The following NDUFV3 variants were observed in gnomAD, a reference collection of about 807,000 sequenced individuals.
NDUFV3 encodes the protein NADH dehydrogenase [ubiquinone] flavoprotein 3, mitochondrial.
A neutral mutation model predicts 37.5 loss-of-function variants in NDUFV3; 44 were observed. That is an observed-to-expected ratio of 1.17 (90% CI 0.92 to 1.51). The LOEUF (loss-of-function observed/expected upper bound fraction) is 1.51, where lower values mean the gene tolerates loss of function less well. Among genes scored for constraint, NDUFV3 ranks in the 40% most tolerant of loss-of-function variants. NDUFV3 has a pLI of 0.00. For synonymous variants in NDUFV3, 235 were observed against 239.3 expected (o/e 0.98, Z 0.17); for missense variants, 580 against 580.4 (o/e 1.00, Z 0.01).
intron 3 of NDUFV3, among the ~76,000 whole-genome samples, chr21:42,905,895 ACT>A (rs2058739458): frequency 2.3e-5 from 3 of 132,950 alleles, no homozygotes; most frequent in Non-Finnish European, 3.2e-5. Context: ...ATGGAATCTC[ACT>A]CTGTCACCCA....
At position 42,896,954 on chromosome 21, in the gene NDUFV3, C is replaced by G. The variant is rs756150746; in HGVS notation, c.76C>G (p.Arg26Gly). 59 of 1,613,708 alleles carry G rather than the reference C, an allele frequency of 3.7e-5. No individual in the cohort carries two copies. The highest frequency in any genetic ancestry group is 4.7e-5 in the Non-Finnish European group (56 of 1,179,826). ...TATGCTCCAGGAAGCCCAGGTGTTTCGAGGACTTGCTTCTACGGTTTCTTT... is the reference window on the plus strand; with the variant it reads ...TATGCTCCAGGAAGCCCAGGTGTTTGGAGGACTTGCTTCTACGGTTTCTTT... ...KTMLQEAQVFRGLASTVSLSA... is the reference protein window; with the variant it reads ...KTMLQEAQVFGGLASTVSLSA... The change falls in exon 2 of 4, where the codon CGA becomes GGA. Residue 26 changes from arginine (R) to glycine (G), a missense_variant. Physicochemically the swap from Arg to Gly is moderately radical, Grantham distance 125. Coordinates refer to ENST00000354250, the MANE Select transcript of NDUFV3 (RefSeq NM_021075.4).
chr21:42,901,388 G>A (rs2058717180), intron 2 of NDUFV3, among the ~76,000 whole-genome samples: 1 of 151,972 alleles, frequency 6.6e-6, no homozygotes, highest in African/African-American at 2.4e-5. Context: ...GTTGCAGTGA[G>A]CCAAGATCAC....
chr21:42,911,156 T>A lies in NDUFV3; in HGVS notation c.*2135T>A, dbSNP rs561965624. On this transcript the variant is annotated 3_prime_UTR_variant, in exon 4 of 4. Transcript: ENST00000354250. Reference sequence around the variant, plus strand: ...TATTCAAGAGGCTGAGGCAGGAGAATCGCTTGAACCCGGGAGGCGGGGTTT... The same window carrying A: ...TATTCAAGAGGCTGAGGCAGGAGAAACGCTTGAACCCGGGAGGCGGGGTTT... 6.6e-6 allele frequency: 1 copy of A among 152,286 alleles called. No homozygotes were observed. The highest frequency in any genetic ancestry group is 1.9e-4 in the East Asian group (1 of 5,184). The allele number at this position is 152,286 out of a possible 1,614,324, so 9.4% of individuals were successfully genotyped here. A position where few individuals can be genotyped will look rare whatever the true frequency, so the allele number is the denominator to read the frequency against.
intron 2 of NDUFV3, among the ~76,000 whole-genome samples, chr21:42,902,902 A>G (rs2058722762): frequency 6.6e-6 from 1 of 152,206 alleles, no homozygotes; most frequent in Non-Finnish European, 1.5e-5. Flanking sequence ...GATTACTTAT[A>G]ATACCTCATA....
At chr21:42,894,450 T>TA (rs2058678686) in intron 1 of NDUFV3, among the ~76,000 whole-genome samples, 1 of 50,986 alleles carries the variant, frequency 2.0e-5, no homozygotes, top group African/African-American at 2.0e-4. Flanking sequence ...ATAATATATA[T>TA]AATATGTTTA....
In NDUFV3 at chr21:42,893,392, A is replaced by G. The variant is rs1463194319; in HGVS notation, c.48+11A>G. On this transcript the variant is annotated intron_variant, in intron 1 of 3. Coordinates refer to ENST00000354250, the MANE Select transcript of NDUFV3 (RefSeq NM_021075.4). ...GCCGGGGCGCTGAAGGTAAAGGAGGAGCCAGCCTGGGCTGGCTGCGCGGCC... is the reference window on the plus strand; with the variant it reads ...GCCGGGGCGCTGAAGGTAAAGGAGGGGCCAGCCTGGGCTGGCTGCGCGGCC... The G allele has an allele frequency of 6.5e-7, 1 of 1,536,426 alleles. No homozygotes were observed. Among genetic ancestry groups the G allele is most frequent in the African/African-American group, 1.4e-5 (1 of 73,022 alleles).
rs11557449 is a variant in NDUFV3 at position 42,903,400 on chromosome 21, T to G, written c.388T>G (p.Ser130Ala). The G allele has an allele frequency of 6.2e-7, 1 of 1,613,988 alleles. No homozygotes were observed. The highest frequency in any genetic ancestry group is 1.3e-5 in the African/African-American group (1 of 75,050). ...TLVEFPQKVL[S>A]PFRKQGSDSE... ...GGTAGAGTTTCCACAGAAAGTTCTG[T>G]CTCCATTCAGAAAACAGGGCTCTGA... The change falls in exon 3 of 4, where the codon TCT (serine) becomes GCT (alanine). Residue 130 changes from serine to alanine, a missense_variant. By Grantham distance (99) the Ser-to-Ala change is moderately conservative (BLOSUM62 1). Transcript: ENST00000354250.
At position 42,909,136 on chromosome 21, in the gene NDUFV3, CTTTTTTTTT is replaced by C. The variant is rs36011300; in HGVS notation, c.*130_*138del. 41 of 435,180 alleles carry C rather than the reference CTTTTTTTTT, an allele frequency of 9.4e-5. No individual in the cohort carries two copies. Among genetic ancestry groups the C allele is most frequent in the Non-Finnish European group, 1.5e-4 (39 of 258,332 alleles). The allele number at this position is 435,180 out of a possible 1,614,324, so 27.0% of individuals were successfully genotyped here. A position where few individuals can be genotyped will look rare whatever the true frequency, so the allele number is the denominator to read the frequency against. ...TGTGCATAATCGGTTTCACTTTTAC[CTTTTTTTTT>C]TTTTTTTTTTTTTTGAGACAGGGTC... On this transcript the variant is annotated 3_prime_UTR_variant, in exon 4 of 4. Coordinates refer to ENST00000354250, the MANE Select transcript of NDUFV3 (RefSeq NM_021075.4).
chr21:42,904,293 G>C lies in NDUFV3; in HGVS notation c.1264+17G>C. 6.4e-7 allele frequency: 1 copy of C among 1,572,440 alleles called. No individual in the cohort carries two copies. Among genetic ancestry groups the C allele is most frequent in the South Asian group, 1.2e-5 (1 of 86,248 alleles). Reference sequence around the variant, plus strand: ...GCACACAGGGTATACCTTGACTCGCGCTCCCAAGTGCACCCTGTCCCTTAG... The same window carrying C: ...GCACACAGGGTATACCTTGACTCGCCCTCCCAAGTGCACCCTGTCCCTTAG... On this transcript the variant is annotated intron_variant, in intron 3 of 3. Transcript: ENST00000354250.
At chr21:42,894,563 T>TA (rs1568854530) in intron 1 of NDUFV3, among the ~76,000 whole-genome samples, 5 of 31,652 alleles carry the variant, frequency 1.6e-4, no homozygotes, top group Admixed American at 8.0e-4. Context: ...ATATATATAT[T>TA]TTTTTTTGAG....
chr21:42,902,448 C>T (rs1350485241), intron 2 of NDUFV3, among the ~76,000 whole-genome samples: 1 of 152,088 alleles, frequency 6.6e-6, no homozygotes, highest in Non-Finnish European at 1.5e-5. Flanking sequence ...ACACCCTAAC[C>T]CTTTTTACTT....
chr21:42,897,406 G>GTTTGTTTTGTTTTGTTTTGT (rs77051374), intron 2 of NDUFV3, among the ~76,000 whole-genome samples: 4 of 150,590 alleles, frequency 2.7e-5, no homozygotes, highest in African/African-American at 9.8e-5. Flanking sequence ...ATGCTGAGTT[G>GTTTGTTTTGTTTTGTTTTGT]TTTGTTTTGT....
rs36011300 is a variant in NDUFV3, at chr21:42,909,136, CTTTTTTTTTTTT to C, written c.*127_*138del. On this transcript the variant is annotated 3_prime_UTR_variant, in exon 4 of 4. Coordinates refer to ENST00000354250, the MANE Select transcript of NDUFV3 (RefSeq NM_021075.4). ...TGTGCATAATCGGTTTCACTTTTACCTTTTTTTTTTTTTTTTTTTTTTTGAGACAGGGTCTCA... is the reference window on the plus strand; with the variant it reads ...TGTGCATAATCGGTTTCACTTTTACCTTTTTTTTTTTGAGACAGGGTCTCA... 2 of 434,502 alleles carry C rather than the reference CTTTTTTTTTTTT, an allele frequency of 4.6e-6. No homozygotes were observed. The highest frequency in any genetic ancestry group is 7.8e-6 in the Non-Finnish European group (2 of 257,904). The allele number at this position is 434,502 out of a possible 1,614,324, so 26.9% of individuals were successfully genotyped here. A position where few individuals can be genotyped will look rare whatever the true frequency, so the allele number is the denominator to read the frequency against.
intron 3 of NDUFV3, among the ~76,000 whole-genome samples, chr21:42,907,856 G>T (rs2058748689): frequency 1.3e-5 from 2 of 151,402 alleles, no homozygotes. Context: ...CTCCCAAAGT[G>T]CTGGGATTAT....
At chr21:42,895,356 C>T (rs1301469629) in intron 1 of NDUFV3, among the ~76,000 whole-genome samples, 1 of 152,156 alleles carries the variant, frequency 6.6e-6, no homozygotes, top group Non-Finnish European at 1.5e-5. Context: ...GTGATGCATG[C>T]CTGTAATCCC....
At chr21:42,897,129 T>C (rs537142182) in intron 2 of NDUFV3, 82 bp downstream of exon 2, 2 of 1,477,504 alleles carry the variant, frequency 1.4e-6, no homozygotes, top group African/African-American at 2.8e-5. Context: ...CGACAGTGAG[T>C]TTTACTAGCT....
At chr21:42,896,151 A>ATTTTTTTTTT (rs143845594) in intron 1 of NDUFV3, among the ~76,000 whole-genome samples, 1 of 90,940 alleles carries the variant, frequency 1.1e-5, no homozygotes. Context: ...GCCTGGCTAA[A>ATTTTTTTTTT]TTTTTTTTTT....
rs2058763934 is a variant in NDUFV3, at chr21:42,910,276, A to T, written c.*1255A>T. ...GGAGGCGGAGGTTGCAGTGAGCAAG[A>T]TCGTGCCATTGTACTCCAGCCTGGG... is the stretch of plus-strand genomic sequence containing the variant. On this transcript the variant is annotated 3_prime_UTR_variant, in exon 4 of 4. Transcript: ENST00000354250. The T allele has an allele frequency of 6.6e-6, 1 of 152,230 alleles. No homozygotes were observed. The highest frequency in any genetic ancestry group is 1.5e-5 in the Non-Finnish European group (1 of 68,104). The allele number at this position is 152,230 out of a possible 1,614,324, so 9.4% of individuals were successfully genotyped here. A position where few individuals can be genotyped will look rare whatever the true frequency, so the allele number is the denominator to read the frequency against.
intron 1 of NDUFV3, among the ~76,000 whole-genome samples, chr21:42,896,276 C>T (rs1226481192): frequency 6.6e-6 from 1 of 151,408 alleles, no homozygotes; most frequent in Non-Finnish European, 1.5e-5. Flanking sequence ...CCTGCCTCAG[C>T]CTCCCAAGTA....
Sources: allele counts gnomAD v4.1 joint callset (sites outside exome capture counted in the v4.1 genomes callset), GRCh38; gene constraint gnomAD v4.1.1; transcripts MANE v1.5; gene names NCBI Gene and HGNC (gene_info 2026-07-23, HGNC 2026-07-21).